The following ATP2A1 variants were observed in gnomAD, a reference collection of about 807,000 sequenced individuals.
The protein encoded by ATP2A1 is ATPase sarcoplasmic/endoplasmic reticulum Ca2+ transporting 1.
A neutral mutation model predicts 109.5 loss-of-function variants in ATP2A1; 83 were observed. That is an observed-to-expected ratio of 0.76 (90% CI 0.63 to 0.91). The LOEUF (loss-of-function observed/expected upper bound fraction) is 0.91. Ranked by LOEUF, ATP2A1 falls within the 40% of genes least tolerant of loss-of-function variation. The pLI is 0.00. For missense variants in ATP2A1, 1,101 were observed against 1,341.0 expected (o/e 0.82, Z 2.80); for synonymous variants, 505 against 537.6 (o/e 0.94, Z 0.84).
In ATP2A1 at chr16:28,900,758, G is replaced by A. The variant is rs1277154319; in HGVS notation, c.1942G>A (p.Val648Met). ...RIGIFGENEE[V>M]ADRAYTGREF... The stretch of plus-strand genomic sequence containing the variant: ...TGGCATCTTTGGGGAGAACGAGGAG[G>A]TGGCCGATCGCGCCTACACGGGCCG... The change falls in exon 15 of 23, where the codon GTG (valine) becomes ATG (methionine). Residue 648 changes from valine (V) to methionine (M), a missense_variant. Coordinates refer to ENST00000395503, the MANE Select transcript of ATP2A1 (RefSeq NM_004320.6). 6.2e-7 allele frequency: 1 copy of A among 1,614,116 alleles called. No individual in the cohort carries two copies. The highest frequency in any genetic ancestry group is 8.5e-7 in the Non-Finnish European group (1 of 1,180,048).
At chr16:28,879,605 G>A (rs1420853302) in intron 3 of ATP2A1, 22 bp downstream of exon 3, 4 of 1,611,348 alleles carry the variant, frequency 2.5e-6, no homozygotes, top group Non-Finnish European at 3.4e-6. Context: ...AGGGTCTCTG[G>A]GGGCTGGCTG....
rs377762806 is a variant in ATP2A1, at chr16:28,902,307, C to T, written c.2445C>T (p.Asp815=). ...TGGGCTTCAACCCACCAGACCTGGA[C>T]ATCATGGACCGCCCCCCCCGGAGCC... is the stretch of plus-strand genomic sequence containing the variant. ...TALGFNPPDL[D]IMDRPPRSPK... Residue 815 remains aspartate, a synonymous_variant, in exon 17 of 23, where the codon GAC becomes GAT. Coordinates refer to ENST00000395503, the MANE Select transcript of ATP2A1 (RefSeq NM_004320.6). The surrounding 1 kb of genome is among the most constrained non-coding windows in gnomAD (Gnocchi z 4.8). 2.5e-6 allele frequency: 4 copies of T among 1,614,038 alleles called. No individual in the cohort carries two copies. In the African/African-American group the frequency reaches 5.3e-5, roughly 22 times the overall value.
chr16:28,881,054 C>T (rs376088853), intron 4 of ATP2A1, 35 bp downstream of exon 4: 85 of 1,595,176 alleles, frequency 5.3e-5, no homozygotes, highest in Non-Finnish European at 6.8e-5. Flanking sequence ...CTTCATGTCC[C>T]AACAGTGAAG....
At position 28,900,674 on chromosome 16, in the gene ATP2A1, C is replaced by T. The variant is rs755589524; in HGVS notation, c.1858C>T (p.Arg620Trp). The change falls in exon 15 of 23, where the codon CGG (arginine) becomes TGG (tryptophan). Residue 620 changes from arginine to tryptophan, a missense_variant. Transcript: ENST00000395503. ...SIQLCRDAGI[R>W]VIMITGDNKG... The stretch of plus-strand genomic sequence containing the variant: ...CCAGCTGTGCCGTGACGCCGGGATC[C>T]GGGTGATCATGATCACTGGGGACAA... 9.3e-6 allele frequency: 15 copies of T among 1,611,480 alleles called. No individual in the cohort carries two copies. The highest frequency in any genetic ancestry group is 4.5e-5 in the East Asian group (2 of 44,786).
chr16:28,902,820 G>A lies in ATP2A1; in HGVS notation c.2653G>A (p.Gly885Ser), dbSNP rs1312245541. ...QCTEDNTHFE[G>S]IDCEVFEAPE... ...CACCGAGGACAACACCCACTTTGAG[G>A]GCATAGACTGTGAGGTCTTCGAGGC... Residue 885 changes from glycine to serine, a missense_variant, in exon 19 of 23, where the codon GGC becomes AGC. Physicochemically the swap from Gly to Ser is moderately conservative, Grantham distance 56. Coordinates refer to ENST00000395503, the MANE Select transcript of ATP2A1 (RefSeq NM_004320.6). The surrounding 1 kb of genome is among the most constrained non-coding windows in gnomAD (Gnocchi z 4.8). The A allele has an allele frequency of 3.7e-6, 6 of 1,613,816 alleles. No individual in the cohort carries two copies. The Admixed American group carries it at 8.3e-5, about 22-fold the overall frequency.
At position 28,903,458 on chromosome 16, in the gene ATP2A1, T is replaced by A. The variant is rs1429390581; in HGVS notation, c.2980+18T>A. 1.9e-6 allele frequency: 3 copies of A among 1,595,174 alleles called. No homozygotes were observed. The African/African-American group carries it at 4.0e-5, about 21-fold the overall frequency. ...CCTAGAGGGTAAGGAGTGCCCTCTC[T>A]GTCCCAAGCCCTGGCCCCACCACAG... On this transcript the variant is annotated intron_variant, in intron 21 of 22. Coordinates refer to ENST00000395503, the MANE Select transcript of ATP2A1 (RefSeq NM_004320.6). This position sits in a 1 kb window ranked among gnomAD's most constrained non-coding sequence, Gnocchi z 5.6.
chr16:28,884,481 TGAG>T (rs1028017882), intron 5 of ATP2A1, 91 bp from the exon 6 acceptor site: 2 of 1,228,616 alleles, frequency 1.6e-6, no homozygotes, highest in African/African-American at 3.0e-5. Context: ...GAAGGATGGA[TGAG>T]GAGAACGAGT....
rs373483616 is a variant in ATP2A1, at chr16:28,894,623, C to G, written c.1287+16C>G. 6.2e-7 allele frequency: 1 copy of G among 1,613,596 alleles called. No homozygotes were observed. The highest frequency in any genetic ancestry group is 8.5e-7 in the Non-Finnish European group (1 of 1,179,622). ...CTTCAACGAGGTAACCTCTCCTTCC[C>G]CTTCCAGTTGGCTCAGAGTCTGGGC... is the stretch of plus-strand genomic sequence containing the variant. On this transcript the variant is annotated intron_variant, in intron 11 of 22. Coordinates refer to ENST00000395503, the MANE Select transcript of ATP2A1 (RefSeq NM_004320.6).
rs1442446979 is a variant in ATP2A1, at chr16:28,903,173, C to T, written c.2862+26C>T. The T allele has an allele frequency of 6.2e-7, 1 of 1,610,222 alleles. No homozygotes were observed. ...GTGAGGTTTCTTCCGCCCAGGGCCG[C>T]CCACCCCAGCACTGGGGAGCCCACG... On this transcript the variant is annotated intron_variant, in intron 20 of 22. Coordinates refer to ENST00000395503, the MANE Select transcript of ATP2A1 (RefSeq NM_004320.6). This position sits in a 1 kb window ranked among gnomAD's most constrained non-coding sequence, Gnocchi z 5.6.
chr16:28,882,405 T>TCTGCCTCATGTGTATAACC, intron 4 of ATP2A1, 46 bp from the exon 5 acceptor site: 1 of 676,376 alleles, frequency 1.5e-6, no homozygotes, highest in East Asian at 2.9e-5. Context: ...ACTCCATAAC[T>TCTGCCTCATGTGTATAACC]CTGCCTCCTG....
Position 28,898,504 on chromosome 16 carries a change from C to T in ATP2A1, c.1764+53C>T. On this transcript the variant is annotated intron_variant, in intron 14 of 22. Transcript: ENST00000395503. This position sits in a 1 kb window ranked among gnomAD's most constrained non-coding sequence, Gnocchi z 4.0. ...GTGGAGCTGGTGAAGGGCCGGGTCC[C>T]AGCCATCCACTCACAGCTCCACCAC... The T allele has an allele frequency of 1.9e-6, 3 of 1,559,810 alleles. No individual in the cohort carries two copies. Among genetic ancestry groups the T allele is most frequent in the Non-Finnish European group, 2.6e-6 (3 of 1,147,046 alleles).
At chr16:28,886,720 C>T (rs1039663231) in intron 6 of ATP2A1, among the ~76,000 whole-genome samples, 3 of 151,068 alleles carry the variant, frequency 2.0e-5, no homozygotes, top group Non-Finnish European at 2.9e-5. Flanking sequence ...TGGCTGGGCA[C>T]GGTGGCCTGT....
At position 28,900,804 on chromosome 16, in the gene ATP2A1, T is replaced by C; in HGVS notation, c.1988T>C (p.Leu663Pro). ...GGCCGAGAGTTCGACGACCTGCCCC[T>C]GGCTGAACAGCGGGAAGCCTGCCGA... ...YTGREFDDLP[L>P]AEQREACRRA... The change falls in exon 15 of 23, where the codon CTG becomes CCG. Residue 663 changes from leucine to proline, a missense_variant. Physicochemically the swap from Leu to Pro is moderately conservative, Grantham distance 98. Transcript: ENST00000395503. 1 of 1,614,226 alleles carries C rather than the reference T, an allele frequency of 6.2e-7. No homozygotes were observed. Among genetic ancestry groups the C allele is most frequent in the Non-Finnish European group, 8.5e-7 (1 of 1,180,050 alleles).
chr16:28,888,121 C>T (rs903195813), intron 8 of ATP2A1, among the ~76,000 whole-genome samples: 4 of 151,488 alleles, frequency 2.6e-5, no homozygotes, highest in Non-Finnish European at 5.9e-5. Context: ...CAACCTCTGC[C>T]TCCTGGGTTC....
chr16:28,892,451 T>C, intron 9 of ATP2A1: 1 of 246,588 alleles, frequency 4.1e-6, no homozygotes, highest in South Asian at 3.6e-5. Context: ...GCTGTAACCT[T>C]GGCTCCTGGG....
chr16:28,894,983 C>G (rs775888633), intron 12 of ATP2A1, 30 bp downstream of exon 12: 2 of 1,608,208 alleles, frequency 1.2e-6, no homozygotes, highest in African/African-American at 2.7e-5. Context: ...GCCACAGGGC[C>G]GTCTCCACTC....
In ATP2A1 at chr16:28,903,371, C is replaced by T. The variant is rs1964147756; in HGVS notation, c.2911C>T (p.Leu971Phe). 1 of 1,614,016 alleles carries T rather than the reference C, an allele frequency of 6.2e-7. No individual in the cohort carries two copies. Among genetic ancestry groups the T allele is most frequent in the Non-Finnish European group, 8.5e-7 (1 of 1,179,974 alleles). ...ALDLTQWLMV[L>F]KISLPVIGLD... ...GGACCTCACCCAGTGGCTCATGGTC[C>T]TCAAGATCTCACTGCCAGTCATTGG... The change falls in exon 21 of 23, where the codon CTC becomes TTC. Residue 971 changes from leucine to phenylalanine, a missense_variant. Coordinates refer to ENST00000395503, the MANE Select transcript of ATP2A1 (RefSeq NM_004320.6). The surrounding 1 kb of genome is among the most constrained non-coding windows in gnomAD (Gnocchi z 5.6).
chr16:28,880,787 C>G lies in ATP2A1; in HGVS notation c.220-128C>G. ...CGGATGTGGGGCCACAGCGCCCCGA[C>G]GGTGCCCGGCCCTCCTGCTGGCTCC... On this transcript the variant is annotated intron_variant, in intron 3 of 22. Coordinates refer to ENST00000395503, the MANE Select transcript of ATP2A1 (RefSeq NM_004320.6). This position sits in a 1 kb window ranked among gnomAD's most constrained non-coding sequence, Gnocchi z 4.2. 1 of 888,284 alleles carries G rather than the reference C, an allele frequency of 1.1e-6. No homozygotes were observed. The highest frequency in any genetic ancestry group is 1.4e-5 in the South Asian group (1 of 72,568). The allele number at this position is 888,284 out of a possible 1,614,324, so 55.0% of individuals were successfully genotyped here. A position where few individuals can be genotyped will look rare whatever the true frequency, so the allele number is the denominator to read the frequency against.
At chr16:28,888,233 A>G (rs895154781) in intron 8 of ATP2A1, among the ~76,000 whole-genome samples, 1 of 150,924 alleles carries the variant, frequency 6.6e-6, no homozygotes, top group African/African-American at 2.4e-5. Flanking sequence ...GGGTTTCACC[A>G]TGTTGGCCAG....
Sources: gnomAD v4.1 joint callset for allele counts (sites outside exome capture counted in the v4.1 genomes callset) on GRCh38, gnomAD v4.1.1 for gene constraint, Gnocchi (gnomAD v3.1) non-coding constraint, MANE v1.5 for transcripts, NCBI Gene and HGNC (gene_info 2026-07-23, HGNC 2026-07-21) for gene names.